Variants in LRRC37B observed in about 807,000 individuals in gnomAD.
The protein encoded by LRRC37B is leucine rich repeat containing 37B, also known as leucine-rich repeat-containing protein 37B.
A neutral mutation model predicts 98.3 loss-of-function variants in LRRC37B; 28 were observed. The ratio of observed to expected loss-of-function variants is 0.28; its 90% CI spans 0.21 to 0.39. The LOEUF is 0.39. LRRC37B is among the 10% of genes least tolerant of loss of function. LRRC37B has a pLI of 1.00. For synonymous variants in LRRC37B, 364 were observed against 442.7 expected, an observed-to-expected ratio of 0.82 and a Z score of 2.23; for missense variants, 938 against 1,182.7, an observed-to-expected ratio of 0.79 and a Z score of 3.03.
chr17:32,053,426 T>C (rs1911812688), exon 12 of LRRC37B: 2 of 725,304 alleles, frequency 2.8e-6, no homozygotes, highest in South Asian at 2.0e-5. Context: ...TTCTTTACTT[T>C]GTGGTTGTGT....
intron 1 of LRRC37B, among the ~76,000 whole-genome samples, chr17:32,009,489 G>A (rs2142233646): frequency 6.6e-6 from 1 of 152,268 alleles, no homozygotes; most frequent in East Asian, 1.9e-4. Context: ...TGCCCAGACT[G>A]ATTTTGAATC....
At chr17:32,007,898 G>T (rs9912996), upstream of LRRC37B, 3 of 867,824 alleles carry the variant, frequency 3.5e-6, no homozygotes, top group Non-Finnish European at 4.4e-6. This position sits in a 1 kb window ranked among gnomAD's most constrained non-coding sequence, Gnocchi z 4.1. Context: ...CAGCCACCTA[G>T]CCCGGACCAC....
At chr17:32,047,829 A>G (rs755226932) in exon 9 of LRRC37B, 2 of 1,614,148 alleles carry the variant, frequency 1.2e-6, no homozygotes, top group South Asian at 2.2e-5. Flanking sequence ...GAAGCAGCAC[A>G]TGAGCACTCA....
At chr17:32,011,924 C>T (rs1046193777) in intron 1 of LRRC37B, among the ~76,000 whole-genome samples, 4 of 151,936 alleles carry the variant, frequency 2.6e-5, no homozygotes, top group Admixed American at 6.6e-5. Context: ...TGTTTTAAAA[C>T]GTATTGTTTA....
chr17:32,052,971 G>GC (rs1491236349), intron 11 of LRRC37B: 1 of 155,160 alleles, frequency 6.4e-6, no homozygotes, highest in African/African-American at 7.6e-5. Flanking sequence ...TAAAGTATAT[G>GC]GGGGGGGGTG....
chr17:32,021,009 G>A, exon 1 of LRRC37B: 1 of 1,561,108 alleles, frequency 6.4e-7, no homozygotes, highest in South Asian at 1.2e-5. Context: ...ACATGGAACA[G>A]ATCTGGACCC....
intron 7 of LRRC37B, among the ~76,000 whole-genome samples, chr17:32,037,722 A>G (rs1185853164): frequency 6.6e-6 from 1 of 152,210 alleles, no homozygotes; most frequent in Non-Finnish European, 1.5e-5. Flanking sequence ...GTACTGTTCA[A>G]ATCTGTTCCC....
chr17:32,033,629 G>A (rs1567616447), intron 5 of LRRC37B, among the ~76,000 whole-genome samples: 2 of 152,134 alleles, frequency 1.3e-5, no homozygotes, highest in South Asian at 4.1e-4. Context: ...GTGAAATGCT[G>A]ATCACAAATA....
chr17:32,048,736 C>T (rs1381234928), intron 9 of LRRC37B, among the ~76,000 whole-genome samples: 4 of 152,204 alleles, frequency 2.6e-5, no homozygotes, highest in South Asian at 2.1e-4. Flanking sequence ...GACCGATGCT[C>T]GCAAAGAGGC....
chr17:32,047,717 T>A, intron 8 of LRRC37B, 44 bp from the exon 12 acceptor site: 1 of 1,613,688 alleles, frequency 6.2e-7, no homozygotes, highest in Non-Finnish European at 8.5e-7. Context: ...TGAAAGATGA[T>A]CAAAGATATT....
chr17:32,045,784 C>T (rs199662103), exon 8 of LRRC37B: 4 of 1,600,478 alleles, frequency 2.5e-6, no homozygotes, highest in East Asian at 4.5e-5. Flanking sequence ...AGCTGCATTG[C>T]AACACTGCAT....
intron 1 of LRRC37B, among the ~76,000 whole-genome samples, chr17:32,013,611 C>G (rs542960763): frequency 6.6e-6 from 1 of 152,090 alleles, no homozygotes; most frequent in African/African-American, 2.4e-5. Context: ...TACACCTAAC[C>G]TACCTACTTA....
chr17:32,047,344 C>G (rs1019121549), intron 8 of LRRC37B: 1 of 234,752 alleles, frequency 4.3e-6, no homozygotes, highest in African/African-American at 2.2e-5. Context: ...CACGGGCACA[C>G]TGAGGATGAG....
intron 7 of LRRC37B, among the ~76,000 whole-genome samples, chr17:32,037,846 G>T (rs1359307609): frequency 6.6e-6 from 1 of 152,012 alleles, no homozygotes; most frequent in Admixed American, 6.5e-5. Context: ...GGTGGCTCAT[G>T]CCTGTAATCC....
chr17:32,046,593 T>TTTTC (rs138039395), intron 8 of LRRC37B, among the ~76,000 whole-genome samples: 22,290 of 139,382 alleles, frequency 0.16, no homozygotes, highest in African/African-American at 0.32. Flanking sequence ...AACTTTTTCT[T>TTTTC]TTTTTCTTTT....
chr17:32,007,460 G>A (rs1163008216), upstream of LRRC37B, among the ~76,000 whole-genome samples: 1 of 152,116 alleles, frequency 6.6e-6, no homozygotes, highest in Non-Finnish European at 1.5e-5. The surrounding 1 kb of genome is among the most constrained non-coding windows in gnomAD (Gnocchi z 4.1). Context: ...ATTCGGTTGA[G>A]CCTTCTCCCT....
chr17:32,037,260 C>T (rs1489066932), intron 7 of LRRC37B, among the ~76,000 whole-genome samples: 1 of 151,886 alleles, frequency 6.6e-6, no homozygotes, highest in African/African-American at 2.4e-5. Context: ...TGGTTACAGG[C>T]GTGAGCCACC....
upstream of LRRC37B, chr17:32,020,864 A>C: frequency 2.3e-6 from 2 of 882,040 alleles, no homozygotes; most frequent in Middle Eastern, 4.0e-4. Flanking sequence ...CCACCACAGC[A>C]GGCCGCTGGA....
At chr17:32,028,811 TTATTA>T (rs1911030331) in intron 3 of LRRC37B, 1 of 125,736 alleles carries the variant, frequency 8.0e-6, no homozygotes, top group Non-Finnish European at 1.6e-5. Context: ...TCATTAATCC[TTATTA>T]GTGATGCTCT....
Sources: gnomAD v4.1 joint callset for allele counts (sites outside exome capture counted in the v4.1 genomes callset) on GRCh38, gnomAD v4.1.1 for gene constraint, Gnocchi (gnomAD v3.1) non-coding constraint, MANE v1.5 for transcripts, NCBI Gene and HGNC (gene_info 2026-07-23, HGNC 2026-07-21) for gene names.